Variants in RBFOX1 observed in about 807,000 individuals in gnomAD.
RBFOX1 encodes RNA binding fox-1 homolog 1.
Under a neutral mutation model 57.7 loss-of-function variants are expected in RBFOX1, and 8 were observed. The observed-to-expected ratio is 0.14, with a 90% confidence interval of 0.08 to 0.25. The LOEUF (loss-of-function observed/expected upper bound fraction) is 0.25, where lower values mean the gene tolerates loss of function less well. Ranked by LOEUF, RBFOX1 falls within the 10% of genes least tolerant of loss-of-function variation. The pLI is 1.00. For synonymous variants in RBFOX1, 326 were observed against 222.4 expected (o/e 1.47, Z -4.15); for missense variants, 611 against 548.5 (o/e 1.11, Z -1.14).
At chr16:7,567,619 C>CTA (rs368067278) in intron 5 of RBFOX1, among the ~76,000 whole-genome samples, 10,809 of 25,046 alleles carry the variant, frequency 0.43, 2,278 homozygotes, top group African/African-American at 0.47. Flanking sequence ...TTATATGGCC[C>CTA]TATATATATA....
At chr16:7,499,276 A>G (rs2069802301) in intron 4 of RBFOX1, among the ~76,000 whole-genome samples, 1 of 152,150 alleles carries the variant, frequency 6.6e-6, no homozygotes, top group Non-Finnish European at 1.5e-5. Flanking sequence ...AGCATCACCC[A>G]TTCATCTTCA....
At chr16:7,576,405 T>A (rs1035314699) in intron 5 of RBFOX1, among the ~76,000 whole-genome samples, 3 of 151,938 alleles carry the variant, frequency 2.0e-5, no homozygotes, top group African/African-American at 7.2e-5. Flanking sequence ...TTTCTGTTGT[T>A]TTATTCACTC....
intron 2 of RBFOX1, among the ~76,000 whole-genome samples, chr16:6,637,160 T>A (rs1359615371): frequency 1.1e-5 from 1 of 87,354 alleles, no homozygotes; most frequent in Non-Finnish European, 2.0e-5. Context: ...ACAATATATA[T>A]TATATATTAT....
chr16:7,468,092 C>T (rs1567329165), intron 4 of RBFOX1, among the ~76,000 whole-genome samples: 1 of 152,180 alleles, frequency 6.6e-6, no homozygotes, highest in South Asian at 2.1e-4. Context: ...AAGCGAGCAT[C>T]ACAGAACTTG....
intron 2 of RBFOX1, among the ~76,000 whole-genome samples, chr16:6,567,868 C>T (rs1029500419): frequency 6.6e-6 from 1 of 152,126 alleles, no homozygotes; most frequent in Non-Finnish European, 1.5e-5. Context: ...GTCACCCAGG[C>T]TGGAGTGAGT....
chr16:7,366,009 G>T (rs541330261), intron 4 of RBFOX1, among the ~76,000 whole-genome samples: 11 of 152,192 alleles, frequency 7.2e-5, no homozygotes, highest in Non-Finnish European at 1.3e-4. Flanking sequence ...AGAACAGAAA[G>T]ACTCTGTGTC....
chr16:6,121,351 A>T (rs1191617998), intron 1 of RBFOX1, among the ~76,000 whole-genome samples: 2 of 152,172 alleles, frequency 1.3e-5, no homozygotes, highest in African/African-American at 4.8e-5. Context: ...TGGCCTGTCT[A>T]CATGGTGGGC....
chr16:5,463,773 C>T (rs1326524902), intron 1 of RBFOX1, among the ~76,000 whole-genome samples: 1 of 149,360 alleles, frequency 6.7e-6, no homozygotes, highest in African/African-American at 2.5e-5. Context: ...GCACTCCAGC[C>T]TGGGTGACAG....
intron 2 of RBFOX1, among the ~76,000 whole-genome samples, chr16:6,429,208 T>G (rs141160789): frequency 0.01 from 1,540 of 152,328 alleles, 31 homozygotes; most frequent in African/African-American, 0.034. Context: ...ATGTTTGAAA[T>G]GTGTCTGTGG....
intron 2 of RBFOX1, among the ~76,000 whole-genome samples, chr16:6,409,475 T>C (rs571102653): frequency 6.6e-6 from 1 of 152,328 alleles, no homozygotes; most frequent in South Asian, 2.1e-4. Context: ...ACCTTAAAGT[T>C]GTTTTCCATT....
At chr16:6,804,229 CA>C (rs1246241416) in intron 3 of RBFOX1, among the ~76,000 whole-genome samples, 1 of 151,764 alleles carries the variant, frequency 6.6e-6, no homozygotes, top group Non-Finnish European at 1.5e-5. Flanking sequence ...AGGCTGGACT[CA>C]AACTCCTGAC....
intron 3 of RBFOX1, among the ~76,000 whole-genome samples, chr16:7,042,308 A>G (rs1012423051): frequency 1.3e-5 from 2 of 152,088 alleles, no homozygotes. Flanking sequence ...GTAGGTATCC[A>G]TGGTTTTGTT....
At chr16:6,602,430 AG>A (rs1313631756) in intron 2 of RBFOX1, among the ~76,000 whole-genome samples, 1 of 152,150 alleles carries the variant, frequency 6.6e-6, no homozygotes, top group African/African-American at 2.4e-5. Context: ...TGGTCTCTCT[AG>A]AGCAAGAAGG....
chr16:7,638,677 G>A (rs528744029), intron 11 of RBFOX1, among the ~76,000 whole-genome samples: 21 of 152,264 alleles, frequency 1.4e-4, no homozygotes, highest in Admixed American at 5.2e-4. Context: ...CTGTTGCAGC[G>A]ACTCAACTCT....
At chr16:6,620,239 G>T (rs776149195) in intron 2 of RBFOX1, among the ~76,000 whole-genome samples, 6 of 152,266 alleles carry the variant, frequency 3.9e-5, no homozygotes, top group Non-Finnish European at 8.8e-5. Context: ...CCTGTTCCTA[G>T]ATGACTTCTG....
chr16:6,931,992 C>T (rs1027678594), intron 3 of RBFOX1, among the ~76,000 whole-genome samples: 2 of 152,182 alleles, frequency 1.3e-5, no homozygotes, highest in Non-Finnish European at 2.9e-5. Context: ...AACTAACCCA[C>T]TCCAGTGAAA....
At chr16:6,312,080 C>T (rs552387252) in intron 1 of RBFOX1, among the ~76,000 whole-genome samples, 1 of 152,150 alleles carries the variant, frequency 6.6e-6, no homozygotes, top group African/African-American at 2.4e-5. Context: ...AGGGTGGGTA[C>T]AAAATCCCAA....
intron 2 of RBFOX1, among the ~76,000 whole-genome samples, chr16:6,466,101 C>T (rs1408909751): frequency 2.6e-5 from 4 of 151,782 alleles, no homozygotes; most frequent in African/African-American, 4.8e-5. Flanking sequence ...TGGTGGTGGG[C>T]ACCTGTAATC....
At chr16:6,126,974 G>T (rs1269756511) in intron 1 of RBFOX1, among the ~76,000 whole-genome samples, 1 of 152,114 alleles carries the variant, frequency 6.6e-6, no homozygotes, top group East Asian at 1.9e-4. Context: ...AACAAGGAGG[G>T]TTTCATCGAT....
Sources: gnomAD v4.1 joint callset for allele counts (sites outside exome capture counted in the v4.1 genomes callset) on GRCh38, gnomAD v4.1.1 for gene constraint, MANE v1.5 for transcripts, NCBI Gene and HGNC (gene_info 2026-07-23, HGNC 2026-07-21) for gene names.